Variants in SPO11 observed in about 807,000 individuals in gnomAD.
The protein encoded by SPO11 is meiotic recombination protein SPO11.
Under a neutral mutation model 51.6 loss-of-function variants are expected in SPO11, and 49 were observed. That is an observed-to-expected ratio of 0.95 (90% CI 0.75 to 1.20). The LOEUF is 1.20. Among genes scored for constraint, SPO11 ranks in the 50% most tolerant of loss-of-function variants. SPO11 has a pLI of 0.00. For missense variants in SPO11, 431 were observed against 473.4 expected (o/e 0.91, Z 0.83); for synonymous variants, 176 against 158.2 (o/e 1.11, Z -0.84).
intron 1 of SPO11, among the ~76,000 whole-genome samples, chr20:57,330,947 T>TA (rs1260328781): frequency 6.6e-6 from 1 of 152,230 alleles, no homozygotes; most frequent in Non-Finnish European, 1.5e-5. Flanking sequence ...GGTCAGTTTT[T>TA]ACCTCCCAAT....
chr20:57,335,467 G>C lies in SPO11; in HGVS notation c.634+12G>C, dbSNP rs1375959139. The C allele has an allele frequency of 1.2e-5, 19 of 1,607,986 alleles. No homozygotes were observed. Among genetic ancestry groups the C allele is most frequent in the Non-Finnish European group, 1.5e-5 (18 of 1,177,718 alleles). On this transcript the variant is annotated intron_variant, in intron 7 of 12. Coordinates refer to ENST00000371263, the MANE Select transcript of SPO11 (RefSeq NM_012444.3). ...TCAAGGAATTCGGAGTATCCTTTAA[G>C]TGGGAAAACTATTTAAACTTTTGGA...
At chr20:57,331,594 A>G (rs1202218604) in intron 1 of SPO11, among the ~76,000 whole-genome samples, 1 of 152,248 alleles carries the variant, frequency 6.6e-6, no homozygotes, top group East Asian at 1.9e-4. Flanking sequence ...CAAGCAAATG[A>G]AATTTATTTG....
intron 10 of SPO11, among the ~76,000 whole-genome samples, chr20:57,339,356 T>C (rs982322111): frequency 1.3e-5 from 2 of 152,184 alleles, no homozygotes; most frequent in Admixed American, 1.3e-4. Context: ...AAATATTATA[T>C]AGAGCCTTGA....
In SPO11 at chr20:57,333,115, C is replaced by A. The variant is rs574659770; in HGVS notation, c.246-73C>A. The stretch of plus-strand genomic sequence containing the variant: ...GGGTTTTAAATGATGTGCAGAAGAC[C>A]ATAAGTATATATTGTTTGGTGTTTA... On this transcript the variant is annotated intron_variant, in intron 2 of 12. Transcript: ENST00000371263. 2.4e-5 allele frequency: 26 copies of A among 1,090,442 alleles called. No individual in the cohort carries two copies. In the South Asian group the frequency reaches 3.4e-4, roughly 14 times the overall value. 67.5% of individuals were successfully genotyped at this position (1,090,442 alleles called of 1,614,324 possible).
chr20:57,343,233 A>C, intron 12 of SPO11, 108 bp from the exon 13 acceptor site: 1 of 1,332,598 alleles, frequency 7.5e-7, no homozygotes. Context: ...CCTTAAGACT[A>C]TTGTCCCTGG....
chr20:57,342,908 C>A, intron 12 of SPO11, 68 bp downstream of exon 12: 2 of 1,082,266 alleles, frequency 1.8e-6, no homozygotes, highest in Admixed American at 2.1e-5. Context: ...TGGCTATTCA[C>A]ATCGTATTTT....
intron 1 of SPO11, among the ~76,000 whole-genome samples, chr20:57,331,314 C>T (rs191686534): frequency 2.0e-5 from 3 of 152,210 alleles, no homozygotes; most frequent in East Asian, 1.9e-4. Context: ...TCAAAAGAGC[C>T]GATTTTAAGG....
chr20:57,339,544 T>A (rs2066554159), intron 10 of SPO11, among the ~76,000 whole-genome samples: 1 of 152,170 alleles, frequency 6.6e-6, no homozygotes, highest in Admixed American at 6.5e-5. Context: ...CATCCAGAAC[T>A]ACTGAGCCAA....
At chr20:57,338,150 C>A in intron 8 of SPO11, 126 bp from the exon 9 acceptor site, 1 of 734,468 alleles carries the variant, frequency 1.4e-6, no homozygotes, top group Non-Finnish European at 2.2e-6. Flanking sequence ...CTTGGCCTCC[C>A]AACGTGCTGG....
At position 57,343,183 on chromosome 20, in the gene SPO11, A is replaced by G. The variant is rs28368101; in HGVS notation, c.1072-158A>G. ...AGCATACAGAGTACTCTCACTCCAG[A>G]TATTTTTAGCTGTAGCAGCTCTGGA... On this transcript the variant is annotated intron_variant, in intron 12 of 12. Coordinates refer to ENST00000371263, the MANE Select transcript of SPO11 (RefSeq NM_012444.3). Among the ~76,000 whole-genome samples the G allele has an allele frequency of 8.1e-4, 123 of 152,310 alleles. 1 individual carries two copies. The highest frequency in any genetic ancestry group is 2.9e-3 in the African/African-American group (121 of 41,576).
At chr20:57,343,285 T>C (rs1454648100) in intron 12 of SPO11, 56 bp from the exon 13 acceptor site, 14 of 1,588,546 alleles carry the variant, frequency 8.8e-6, no homozygotes, top group East Asian at 2.3e-5. Context: ...GTTTGTTGAA[T>C]TGACAGAAAT....
intron 2 of SPO11, 109 bp downstream of exon 2, chr20:57,332,055 C>CA: frequency 1.7e-6 from 1 of 602,990 alleles, no homozygotes; most frequent in Admixed American, 3.5e-5. Context: ...CTTTACCTTG[C>CA]CAAAAAAAAG....
chr20:57,332,342 C>T (rs2066460298), intron 2 of SPO11, among the ~76,000 whole-genome samples: 1 of 152,160 alleles, frequency 6.6e-6, no homozygotes, highest in Admixed American at 6.5e-5. Context: ...GGAAATATAA[C>T]CAATCCTGAT....
chr20:57,338,177 C>A, intron 8 of SPO11, 99 bp from the exon 9 acceptor site: 1 of 896,514 alleles, frequency 1.1e-6, no homozygotes, highest in Admixed American at 2.4e-5. Flanking sequence ...AGGCGTGAAC[C>A]ACTGCGTCCA....
intron 5 of SPO11, 37 bp from the exon 6 acceptor site, chr20:57,334,713 T>TA: frequency 6.5e-7 from 1 of 1,527,830 alleles, no homozygotes; most frequent in Non-Finnish European, 9.1e-7. Context: ...AACATATTCG[T>TA]GAAGCAGGTT....
At chr20:57,335,998 C>A in intron 8 of SPO11, 91 bp downstream of exon 8, 1 of 711,794 alleles carries the variant, frequency 1.4e-6, no homozygotes, top group Non-Finnish European at 2.4e-6. Context: ...TACACAATGT[C>A]CTGTTTTCAA....
intron 12 of SPO11, among the ~76,000 whole-genome samples, chr20:57,343,059 G>A (rs2066602723): frequency 6.6e-6 from 1 of 152,038 alleles, no homozygotes. Context: ...CCTTATCATG[G>A]TTATATACAC....
Position 57,343,607 on chromosome 20 carries a change from T to G in SPO11, c.*147T>G. On this transcript the variant is annotated 3_prime_UTR_variant, in exon 13 of 13. Transcript: ENST00000371263. ...ACTTTCCGTTAATTATATATTTTTG[T>G]CAAAACAAATGCTGTACTCCAATTT... is the stretch of plus-strand genomic sequence containing the variant. 2 of 937,902 alleles carry G rather than the reference T, an allele frequency of 2.1e-6. No individual in the cohort carries two copies. The highest frequency in any genetic ancestry group is 4.5e-5 in the South Asian group (2 of 44,280). 58.1% of individuals were successfully genotyped at this position (937,902 alleles called of 1,614,324 possible). A position where few individuals can be genotyped will look rare whatever the true frequency, so the allele number is the denominator to read the frequency against.
intron 11 of SPO11, among the ~76,000 whole-genome samples, chr20:57,340,514 A>G (rs1300456699): frequency 6.6e-6 from 1 of 152,230 alleles, no homozygotes. Context: ...CTGTAATCCC[A>G]GCACTTTGGG....
Sources: allele counts gnomAD v4.1 joint callset (sites outside exome capture counted in the v4.1 genomes callset), GRCh38; gene constraint gnomAD v4.1.1; transcripts MANE v1.5; gene names NCBI Gene and HGNC (gene_info 2026-07-23, HGNC 2026-07-21).